Variants in CX3CL1 observed in about 807,000 individuals in gnomAD.
CX3CL1 encodes the protein fractalkine.
A neutral mutation model predicts 14.1 loss-of-function variants in CX3CL1; 1 was observed. The observed-to-expected ratio is 0.07, with a 90% confidence interval of 0.03 to 0.34. The LOEUF is 0.34. Ranked by LOEUF, CX3CL1 falls within the 10% of genes least tolerant of loss-of-function variation. The pLI is 0.99. For missense variants in CX3CL1, 505 were observed against 536.4 expected (o/e 0.94, Z 0.58); for synonymous variants, 255 against 229.6 (o/e 1.11, Z -1.00).
intron 2 of CX3CL1, among the ~76,000 whole-genome samples, 167 bp downstream of exon 2, chr16:57,379,921 A>C (rs1257198787): frequency 6.6e-6 from 1 of 152,014 alleles, no homozygotes; most frequent in African/African-American, 2.4e-5. Context: ...CACTGACCTT[A>C]ATTTCTGTGC....
At chr16:57,374,567 T>C (rs1246976365) in intron 1 of CX3CL1, among the ~76,000 whole-genome samples, 5 of 152,178 alleles carry the variant, frequency 3.3e-5, no homozygotes, top group African/African-American at 1.2e-4. Context: ...CAGGCCCCTG[T>C]CTAATTTAAA....
chr16:57,375,705 C>A (rs1040353240), intron 1 of CX3CL1, among the ~76,000 whole-genome samples: 35 of 152,334 alleles, frequency 2.3e-4, no homozygotes, highest in African/African-American at 7.9e-4. Context: ...TCACCTCATC[C>A]AGCAACCCAG....
At position 57,383,173 on chromosome 16, in the gene CX3CL1, C is replaced by T. The variant is rs1170014898; in HGVS notation, c.*141C>T. 4.0e-6 allele frequency: 3 copies of T among 752,568 alleles called. No homozygotes were observed. The African/African-American group carries it at 5.4e-5, about 13-fold the overall frequency. 46.6% of individuals were successfully genotyped at this position (752,568 alleles called of 1,614,324 possible). On this transcript the variant is annotated 3_prime_UTR_variant, in exon 3 of 3. Transcript: ENST00000006053. Reference sequence around the variant, plus strand: ...TGGGATCCTCCAGGTGCACAAGCTCCAAGCTCCCAGGCATTCCCCAGGAGG... The same window carrying T: ...TGGGATCCTCCAGGTGCACAAGCTCTAAGCTCCCAGGCATTCCCCAGGAGG...
rs1333357281 is a variant in CX3CL1, at chr16:57,384,182, C to T, written c.*1150C>T. The stretch of plus-strand genomic sequence containing the variant: ...ACAAGACCCTTGTGGTCCCACCCCA[C>T]ACACGCCAGATTCTTTCCTGAGGCT... On this transcript the variant is annotated 3_prime_UTR_variant, in exon 3 of 3. Coordinates refer to ENST00000006053, the MANE Select transcript of CX3CL1 (RefSeq NM_002996.6). 1 of 152,488 alleles carries T rather than the reference C, an allele frequency of 6.6e-6. No homozygotes were observed. The highest frequency in any genetic ancestry group is 1.5e-5 in the Non-Finnish European group (1 of 68,238). The allele number at this position is 152,488 out of a possible 1,614,324, so 9.4% of individuals were successfully genotyped here. A position where few individuals can be genotyped will look rare whatever the true frequency, so the allele number is the denominator to read the frequency against.
chr16:57,380,666 C>T (rs995417982), intron 2 of CX3CL1, among the ~76,000 whole-genome samples: 2 of 152,164 alleles, frequency 1.3e-5, no homozygotes, highest in East Asian at 1.9e-4. Context: ...ACGACCATTT[C>T]GAGACTTTGG....
intron 2 of CX3CL1, among the ~76,000 whole-genome samples, chr16:57,381,509 C>G (rs1309396174): frequency 6.6e-6 from 1 of 152,062 alleles, no homozygotes; most frequent in Non-Finnish European, 1.5e-5. Flanking sequence ...AAGGCCTGTT[C>G]CAGAGTGAGG....
intron 1 of CX3CL1, among the ~76,000 whole-genome samples, chr16:57,375,876 A>G (rs549823173): frequency 1.3e-5 from 2 of 152,326 alleles, no homozygotes; most frequent in South Asian, 2.1e-4. Flanking sequence ...ATGTTCTGGA[A>G]CACTGTGTTT....
rs201608370 is a variant in CX3CL1, at chr16:57,372,607, C to A, written c.39C>A (p.Ala13=). ...PISLSWLLRL[A]TFCHLTVLLA... is the part of the protein sequence containing the mutation. ...CTCTGTCGTGGCTGCTCCGCTTGGC[C>A]ACCTTCTGCCATCTGACTGTCCTGC... is the stretch of plus-strand genomic sequence containing the variant. The change falls in exon 1 of 3, where the codon GCC becomes GCA. Residue 13 remains alanine, a synonymous_variant. Transcript: ENST00000006053. 6 of 1,613,528 alleles carry A rather than the reference C, an allele frequency of 3.7e-6. No homozygotes were observed. Among genetic ancestry groups the A allele is most frequent in the Admixed American group, 3.3e-5 (2 of 59,996 alleles).
At chr16:57,379,805 T>G in intron 2 of CX3CL1, 51 bp downstream of exon 2, 1 of 1,602,966 alleles carries the variant, frequency 6.2e-7, no homozygotes, top group Non-Finnish European at 8.5e-7. Context: ...CCTTGGAATA[T>G]TCCCAGACCT....
intron 1 of CX3CL1, among the ~76,000 whole-genome samples, chr16:57,376,118 A>T (rs1902241357): frequency 6.6e-6 from 1 of 152,134 alleles, no homozygotes; most frequent in African/African-American, 2.4e-5. Context: ...TGTTCAATTA[A>T]AAAAAATAAA....
chr16:57,380,629 T>C (rs1231218883), intron 2 of CX3CL1, among the ~76,000 whole-genome samples: 4 of 144,710 alleles, frequency 2.8e-5, no homozygotes, highest in Admixed American at 7.1e-5. Flanking sequence ...GCTGCAGAAA[T>C]CACTATCTCC....
chr16:57,381,094 G>T (rs554342975), intron 2 of CX3CL1, among the ~76,000 whole-genome samples: 1 of 152,324 alleles, frequency 6.6e-6, no homozygotes, highest in East Asian at 1.9e-4. Context: ...GGTCATACTT[G>T]CTTCCTGGAC....
chr16:57,376,491 G>GAT (rs1567553052), intron 1 of CX3CL1, among the ~76,000 whole-genome samples: 109 of 148,774 alleles, frequency 7.3e-4, no homozygotes, highest in Non-Finnish European at 8.0e-4. Context: ...TGGATGGATG[G>GAT]GTGGATAGAT....
intron 1 of CX3CL1, among the ~76,000 whole-genome samples, chr16:57,375,415 C>A (rs1363670203): frequency 6.6e-6 from 1 of 152,178 alleles, no homozygotes; most frequent in Non-Finnish European, 1.5e-5. Context: ...CTACTCGCCT[C>A]TAGTGTGTAG....
Position 57,382,188 on chromosome 16 carries a change from C to T in CX3CL1, c.350C>T (p.Ala117Val). ...IGEVKPRTTPAAGGMDESVVL... is the reference protein window; with the variant it reads ...IGEVKPRTTPVAGGMDESVVL... ...GAGGTGAAGCCCAGGACCACCCCTG[C>T]CGCCGGGGGAATGGACGAGTCTGTG... The change falls in exon 3 of 3, where the codon GCC (alanine) becomes GTC (valine). Residue 117 changes from alanine to valine, a missense_variant. By Grantham distance (64) the Ala-to-Val change is moderately conservative. Coordinates refer to ENST00000006053, the MANE Select transcript of CX3CL1 (RefSeq NM_002996.6). The surrounding 1 kb of genome is among the most constrained non-coding windows in gnomAD (Gnocchi z 6.9). 1.9e-6 allele frequency: 3 copies of T among 1,613,528 alleles called. No homozygotes were observed. Among genetic ancestry groups the T allele is most frequent in the African/African-American group, 2.7e-5 (2 of 75,020 alleles).
intron 1 of CX3CL1, among the ~76,000 whole-genome samples, chr16:57,373,309 T>C (rs1311360309): frequency 6.6e-6 from 1 of 152,152 alleles, no homozygotes; most frequent in Non-Finnish European, 1.5e-5. Context: ...TAGGGGTACA[T>C]AATTAACCAT....
At chr16:57,373,091 T>C (rs1902201733) in intron 1 of CX3CL1, among the ~76,000 whole-genome samples, 1 of 152,132 alleles carries the variant, frequency 6.6e-6, no homozygotes, top group African/African-American at 2.4e-5. Context: ...TCTCCTGTCC[T>C]GTTTTCAAAG....
At position 57,383,788 on chromosome 16, in the gene CX3CL1, C is replaced by A; in HGVS notation, c.*756C>A. 1 of 152,764 alleles carries A rather than the reference C, an allele frequency of 6.5e-6. No homozygotes were observed. The highest frequency in any genetic ancestry group is 1.5e-5 in the Non-Finnish European group (1 of 68,366). 9.5% of individuals were successfully genotyped at this position (152,764 alleles called of 1,614,324 possible). On this transcript the variant is annotated 3_prime_UTR_variant, in exon 3 of 3. Transcript: ENST00000006053. ...AGGAATACCTGTCCCCCTGACAACA[C>A]TCATTGACCTGAGGCCCTTCTCTCC...
chr16:57,372,528 G>T lies in CX3CL1; in HGVS notation c.-41G>T, dbSNP rs199506606. ...TGAGCTCTGCCGCCTGGCTCTAGCC[G>T]CCTGCCTGGCCCCCGCCGGGACTCT... On this transcript the variant is annotated 5_prime_UTR_variant, in exon 1 of 3. Transcript: ENST00000006053. 3.1e-6 allele frequency: 5 copies of T among 1,593,216 alleles called. No homozygotes were observed. Among genetic ancestry groups the T allele is most frequent in the African/African-American group, 2.7e-5 (2 of 74,624 alleles).
Sources: allele counts gnomAD v4.1 joint callset (sites outside exome capture counted in the v4.1 genomes callset), GRCh38; gene constraint gnomAD v4.1.1; non-coding constraint Gnocchi (gnomAD v3.1); transcripts MANE v1.5; gene names NCBI Gene and HGNC (gene_info 2026-07-23, HGNC 2026-07-21).